MED13: variants seen among roughly 807,000 people sequenced by gnomAD.
MED13 encodes the protein mediator of RNA polymerase II transcription subunit 13.
MED13 carries 23 observed loss-of-function variants against 225.2 expected under a neutral mutation model. The ratio of observed to expected loss-of-function variants is 0.10; its 90% CI spans 0.07 to 0.14. MED13 has a LOEUF of 0.14. Among genes scored for constraint, MED13 ranks in the 10% least tolerant of loss-of-function variants. The pLI is 1.00. For missense variants in MED13, 2,197 were observed against 2,594.5 expected, an observed-to-expected ratio of 0.85 and a Z score of 3.33; for synonymous variants, 942 against 889.2, an observed-to-expected ratio of 1.06 and a Z score of -1.06.
chr17:61,961,887 C>T (rs1032146478), intron 21 of MED13, 108 bp from the exon 22 acceptor site: 35 of 1,044,054 alleles, frequency 3.4e-5, no homozygotes, highest in African/African-American at 2.1e-4. Flanking sequence ...TACACAAAAC[C>T]TAATTTAAAT....
intron 2 of MED13, among the ~76,000 whole-genome samples, chr17:62,054,997 C>T (rs2080985318): frequency 6.6e-6 from 1 of 152,156 alleles, no homozygotes; most frequent in Admixed American, 6.5e-5. Context: ...ATAAATTAGT[C>T]ATTTAAAACT....
intron 8 of MED13, among the ~76,000 whole-genome samples, chr17:62,015,852 A>ATG (rs1555639000): frequency 1.5e-4 from 17 of 110,628 alleles, no homozygotes; most frequent in South Asian, 9.2e-4. Flanking sequence ...CACTATATAT[A>ATG]TGTGTATAGT....
intron 16 of MED13, among the ~76,000 whole-genome samples, chr17:61,980,027 A>G (rs538632675): frequency 6.6e-6 from 1 of 152,172 alleles, no homozygotes; most frequent in South Asian, 2.1e-4. Flanking sequence ...CGTCTCTACT[A>G]AAATACAAAA....
Position 62,011,103 on chromosome 17 carries a change from G to C in MED13, c.1414C>G (p.Pro472Ala). The C allele has an allele frequency of 6.2e-7, 1 of 1,614,182 alleles. No individual in the cohort carries two copies. The highest frequency in any genetic ancestry group is 8.5e-7 in the Non-Finnish European group (1 of 1,180,030). Residue 472 changes from proline to alanine, a missense_variant, in exon 9 of 30, where the codon CCC becomes GCC. This residue lies in a region of MED13 where 884 missense variants were observed against 918.5 expected (regional missense o/e 0.96). Coordinates refer to ENST00000397786, the MANE Select transcript of MED13 (RefSeq NM_005121.3). ...QEKSEKPQKR[P>A]LTPFHHRVSV... ...ACACGATGGTGAAAAGGAGTCAAGGGGCGTTTCTGTGGCTTTTCACTCTTT... is the reference window on the plus strand; with the variant it reads ...ACACGATGGTGAAAAGGAGTCAAGGCGCGTTTCTGTGGCTTTTCACTCTTT...
intron 12 of MED13, among the ~76,000 whole-genome samples, chr17:61,986,149 C>T (rs1362544828): frequency 2.0e-5 from 3 of 152,138 alleles, no homozygotes; most frequent in Non-Finnish European, 4.4e-5. Context: ...TGTGCCAAAG[C>T]ATTCAAGGAT....
At chr17:62,034,113 G>A in intron 4 of MED13, 129 bp from the exon 5 acceptor site, 3 of 720,284 alleles carry the variant, frequency 4.2e-6, no homozygotes, top group Non-Finnish European at 6.8e-6. Flanking sequence ...AACCATTCCA[G>A]AGAAAAATCA....
intron 3 of MED13, among the ~76,000 whole-genome samples, chr17:62,043,357 A>G (rs967750297): frequency 1.3e-5 from 2 of 152,066 alleles, no homozygotes; most frequent in Non-Finnish European, 2.9e-5. Flanking sequence ...ATACATAATA[A>G]TCTTGATGAC....
At chr17:61,946,883 C>T in intron 29 of MED13, 34 bp downstream of exon 29, 1 of 1,514,446 alleles carries the variant, frequency 6.6e-7, no homozygotes, top group Non-Finnish European at 9.1e-7. Context: ...TTTAAAGTTG[C>T]AGTGACAAAC....
intron 18 of MED13, among the ~76,000 whole-genome samples, 154 bp from the exon 19 acceptor site, chr17:61,966,805 C>G (rs1198092922): frequency 1.3e-5 from 2 of 151,684 alleles, no homozygotes; most frequent in Non-Finnish European, 2.9e-5. Flanking sequence ...TAGAAGTAGG[C>G]CAAAAAAATA....
intron 10 of MED13, among the ~76,000 whole-genome samples, chr17:61,994,585 A>G (rs568659018): frequency 2.0e-5 from 3 of 152,372 alleles, no homozygotes; most frequent in Admixed American, 6.5e-5. Flanking sequence ...CCTGATTTCA[A>G]TTATGACAAG....
chr17:62,046,386 G>A (rs751390025), intron 3 of MED13, among the ~76,000 whole-genome samples: 1 of 152,134 alleles, frequency 6.6e-6, no homozygotes. Context: ...AGAGTAACTC[G>A]AAAGAGCATA....
chr17:61,977,839 C>T (rs1046377875), intron 16 of MED13, among the ~76,000 whole-genome samples: 14 of 152,302 alleles, frequency 9.2e-5, no homozygotes, highest in African/African-American at 2.6e-4. Flanking sequence ...AATACTCCCG[C>T]CTCAGCCTCC....
chr17:62,024,331 T>A (rs1395365262), intron 8 of MED13, among the ~76,000 whole-genome samples: 1 of 152,220 alleles, frequency 6.6e-6, no homozygotes, highest in African/African-American at 2.4e-5. Context: ...AGAAAACAAC[T>A]TTTTAAAAAT....
chr17:62,009,256 A>G (rs958716707), intron 9 of MED13, among the ~76,000 whole-genome samples: 2 of 152,190 alleles, frequency 1.3e-5, no homozygotes, highest in African/African-American at 2.4e-5. Context: ...GGATACCTGG[A>G]AAAAAGCCTT....
chr17:62,020,538 G>T (rs1405450953), intron 8 of MED13, among the ~76,000 whole-genome samples: 1 of 151,758 alleles, frequency 6.6e-6, no homozygotes, highest in East Asian at 1.9e-4. Flanking sequence ...CACCACGCCC[G>T]GCTAATTTTT....
intron 9 of MED13, chr17:62,003,621 A>AAAAAAC (rs10679175): frequency 1.4e-4 from 20 of 144,604 alleles, no homozygotes; most frequent in African/African-American, 4.9e-4. Flanking sequence ...AAAAAAAAAA[A>AAAAAAC]GCAAAAAGTG....
chr17:61,964,302 A>G lies in MED13; in HGVS notation c.4844+704T>C, dbSNP rs146725428. ...AATATTCAACACTAGGCCGGGTGCG[A>G]TAGCTCATGCCTGTAATCCCAGCAC... On this transcript the variant is annotated intron_variant, in intron 20 of 29. Transcript: ENST00000397786. Among the ~76,000 whole-genome samples the G allele has an allele frequency of 3.7e-3, 565 of 152,346 alleles. 2 individuals are homozygous for G. The highest frequency in any genetic ancestry group is 0.012 in the African/African-American group (514 of 41,590).
chr17:61,965,792 A>G (rs1426760959), intron 19 of MED13, among the ~76,000 whole-genome samples: 1 of 152,232 alleles, frequency 6.6e-6, no homozygotes, highest in Non-Finnish European at 1.5e-5. Flanking sequence ...AACTATTCAA[A>G]GGGTTTCTAA....
At chr17:62,047,589 C>A (rs1568000541) in intron 3 of MED13, among the ~76,000 whole-genome samples, 5 of 151,974 alleles carry the variant, frequency 3.3e-5, no homozygotes, top group African/African-American at 1.2e-4. Context: ...AGCATAAGGA[C>A]AAATACCTAA....
Sources: gnomAD v4.1 joint callset for allele counts (sites outside exome capture counted in the v4.1 genomes callset) on GRCh38, gnomAD v4.1.1 for gene constraint, gnomAD v4.1.1 regional missense constraint, MANE v1.5 for transcripts, NCBI Gene and HGNC (gene_info 2026-07-23, HGNC 2026-07-21) for gene names.